Variants in ZNF512 observed in about 807,000 individuals in gnomAD.
ZNF512 encodes the protein zinc finger protein 512.
Under a neutral mutation model 77.5 loss-of-function variants are expected in ZNF512, and 25 were observed. The observed-to-expected ratio is 0.32, with a 90% CI of 0.23 to 0.45. ZNF512 has a LOEUF of 0.45. ZNF512 is among the 20% of genes least tolerant of loss of function. ZNF512 has a pLI of 1.00. For missense variants in ZNF512, 483 were observed against 692.6 expected (o/e 0.70, Z 3.40); for synonymous variants, 246 against 239.9 (o/e 1.03, Z -0.24).
At chr2:27,583,825 C>A in intron 2 of ZNF512, 109 bp downstream of exon 2, 9 of 1,195,032 alleles carry the variant, frequency 7.5e-6, no homozygotes, top group Non-Finnish European at 1.0e-5. Flanking sequence ...AGTATCATAG[C>A]CACTAACCCG....
chr2:27,587,025 G>A (rs1375071268), intron 2 of ZNF512, among the ~76,000 whole-genome samples: 5 of 152,092 alleles, frequency 3.3e-5, no homozygotes, highest in South Asian at 2.1e-4. Flanking sequence ...TGCTGTGAAC[G>A]TTCATGTACA....
chr2:27,594,874 A>G (rs1352007449), intron 2 of ZNF512, among the ~76,000 whole-genome samples: 1 of 152,236 alleles, frequency 6.6e-6, no homozygotes, highest in African/African-American at 2.4e-5. Context: ...TCCGTCTGCA[A>G]TCCCAGCACC....
At chr2:27,594,254 C>T (rs375308715) in intron 2 of ZNF512, among the ~76,000 whole-genome samples, 19 of 141,856 alleles carry the variant, frequency 1.3e-4, no homozygotes, top group East Asian at 6.5e-4. Flanking sequence ...ACATCCCAGA[C>T]GGGGTGGTGG....
chr2:27,601,520 G>C, intron 7 of ZNF512, 78 bp downstream of exon 7: 1 of 1,249,784 alleles, frequency 8.0e-7, no homozygotes, highest in Non-Finnish European at 1.1e-6. Context: ...TGTTGCCCAG[G>C]CTGGAGTGCA....
intron 2 of ZNF512, among the ~76,000 whole-genome samples, chr2:27,595,257 CTT>C (rs1251097219): frequency 6.6e-6 from 1 of 150,600 alleles, no homozygotes; most frequent in Non-Finnish European, 1.5e-5. Context: ...GTTTTTCAAT[CTT>C]TTTTTCTCTT....
chr2:27,584,000 C>A (rs922674711), intron 2 of ZNF512, among the ~76,000 whole-genome samples: 1 of 152,192 alleles, frequency 6.6e-6, no homozygotes, highest in African/African-American at 2.4e-5. Context: ...TCTGCACTGT[C>A]TAGTATCATA....
intron 2 of ZNF512, among the ~76,000 whole-genome samples, chr2:27,586,921 G>A (rs35823586): frequency 0.024 from 3,698 of 152,206 alleles, 63 homozygotes; most frequent in Middle Eastern, 0.061. Context: ...TTATTGCTGG[G>A]TAGAATTCCA....
chr2:27,621,634 C>T lies in ZNF512; in HGVS notation c.*173C>T. ...TCTTCCCTTCTTACATTTTGATTCC[C>T]CCCTCCCCTTTTAGTAGGTTTTCCT... On this transcript the variant is annotated 3_prime_UTR_variant, in exon 14 of 14. Transcript: ENST00000355467. 1.5e-6 allele frequency: 1 copy of T among 675,652 alleles called. No individual in the cohort carries two copies. Among genetic ancestry groups the T allele is most frequent in the Non-Finnish European group, 2.4e-6 (1 of 420,244 alleles). 41.9% of individuals were successfully genotyped at this position (675,652 alleles called of 1,614,324 possible). A position where few individuals can be genotyped will look rare whatever the true frequency, so the allele number is the denominator to read the frequency against.
chr2:27,616,651 G>A (rs535836531), intron 12 of ZNF512, among the ~76,000 whole-genome samples: 16 of 152,202 alleles, frequency 1.1e-4, no homozygotes, highest in Non-Finnish European at 2.4e-4. Flanking sequence ...GGCCTGCCCT[G>A]TTTAGGTGGG....
chr2:27,583,662 C>G lies in ZNF512; in HGVS notation c.35C>G (p.Ser12Trp). Residue 12 changes from serine to tryptophan, a missense_variant, in exon 2 of 14, where the codon TCG becomes TGG. By Grantham distance (177) the Ser-to-Trp change is radical. Around this residue, in one of 2 missense-constraint regions of ZNF512, gnomAD observed 159 missense variants for 167.5 expected, o/e 0.95. Coordinates refer to ENST00000355467, the MANE Select transcript of ZNF512 (RefSeq NM_032434.4). The part of the protein sequence containing the change: ...SSRLGAVPAT[S>W]GPTTFKQQRS... ...CGTGTGCTTGTGATTTGCTAGACTT[C>G]GGGACCCACAACCTTTAAGCAGCAG... The G allele has an allele frequency of 1.2e-6, 2 of 1,614,086 alleles. No homozygotes were observed. Among genetic ancestry groups the G allele is most frequent in the Non-Finnish European group, 1.7e-6 (2 of 1,180,018 alleles).
intron 10 of ZNF512, 49 bp downstream of exon 10, chr2:27,608,088 T>C: frequency 6.7e-7 from 1 of 1,490,778 alleles, no homozygotes; most frequent in South Asian, 1.4e-5. Flanking sequence ...TCTAACGTTG[T>C]GCCTACTGTA....
chr2:27,598,224 A>C lies in ZNF512; in HGVS notation c.247A>C (p.Ile83Leu). Residue 83 changes from isoleucine to leucine, a missense_variant, in exon 3 of 14, where the codon ATC becomes CTC. Physicochemically the swap from Ile to Leu is conservative, Grantham distance 5 (BLOSUM62 2). Around this residue, in one of 2 missense-constraint regions of ZNF512, gnomAD observed 159 missense variants for 167.5 expected, o/e 0.95. Coordinates refer to ENST00000355467, the MANE Select transcript of ZNF512 (RefSeq NM_032434.4). ...TACCTACTGGATGAAGATGAGAAGA[A>C]TCAAGCCAGCTGCTACTTCTCATGT... is the stretch of plus-strand genomic sequence containing the variant. The part of the protein sequence containing the change: ...KSTYWMKMRR[I>L]KPAATSHVEG... 6.2e-7 allele frequency: 1 copy of C among 1,613,694 alleles called. No individual in the cohort carries two copies. Among genetic ancestry groups the C allele is most frequent in the South Asian group, 1.1e-5 (1 of 91,078 alleles).
At chr2:27,609,502 G>T (rs1361834853) in intron 10 of ZNF512, among the ~76,000 whole-genome samples, 1 of 152,138 alleles carries the variant, frequency 6.6e-6, no homozygotes, top group African/African-American at 2.4e-5. Context: ...GGCTGAGGTG[G>T]GTGAAACACG....
At chr2:27,589,257 G>T (rs1004559429) in intron 2 of ZNF512, among the ~76,000 whole-genome samples, 1 of 152,118 alleles carries the variant, frequency 6.6e-6, no homozygotes, top group African/African-American at 2.4e-5. Flanking sequence ...TTCACTGTGG[G>T]AAGGATTTCA....
At chr2:27,586,253 G>A (rs1476511095) in intron 2 of ZNF512, among the ~76,000 whole-genome samples, 1 of 151,990 alleles carries the variant, frequency 6.6e-6, no homozygotes, top group Non-Finnish European at 1.5e-5. Flanking sequence ...TGTTGGAGAT[G>A]GAGTCTTGCT....
intron 2 of ZNF512, among the ~76,000 whole-genome samples, chr2:27,585,912 T>A (rs982233892): frequency 6.6e-6 from 1 of 152,212 alleles, no homozygotes; most frequent in Non-Finnish European, 1.5e-5. Flanking sequence ...AATAATCAAA[T>A]GTCCTGGGGT....
chr2:27,621,171 C>G lies in ZNF512; in HGVS notation c.1414C>G (p.Pro472Ala), dbSNP rs1353355144. ...VHAEDWFVVNPTTTKSFEKLM... is the reference protein window; with the variant it reads ...VHAEDWFVVNATTTKSFEKLM... ...TCTCTAGGACTGGTTCGTTGTAAAC[C>G]CAACAACAACCAAAAGCTTTGAAAA... Residue 472 changes from proline to alanine, a missense_variant, in exon 14 of 14, where the codon CCA (proline) becomes GCA (alanine). Around this residue, in one of 2 missense-constraint regions of ZNF512, gnomAD observed 324 missense variants for 525.0 expected, o/e 0.62. Transcript: ENST00000355467. 4 of 1,613,610 alleles carry G rather than the reference C, an allele frequency of 2.5e-6. No homozygotes were observed. Among genetic ancestry groups the G allele is most frequent in the Admixed American group, 1.7e-5 (1 of 59,878 alleles).
At chr2:27,615,082 A>T (rs979959259) in intron 10 of ZNF512, 86 bp from the exon 11 acceptor site, 69 of 766,696 alleles carry the variant, frequency 9.0e-5, no homozygotes, top group Middle Eastern at 2.4e-4. Context: ...AGAATTATAT[A>T]ACCTAAAGAG....
intron 1 of ZNF512, 180 bp from the exon 2 acceptor site, chr2:27,583,478 A>G (rs1671201995): frequency 6.8e-7 from 1 of 1,468,148 alleles, no homozygotes; most frequent in African/African-American, 1.4e-5. Flanking sequence ...TGGTATTGTT[A>G]CCCGCCTTTG....
Sources: allele counts gnomAD v4.1 joint callset (sites outside exome capture counted in the v4.1 genomes callset), GRCh38; gene constraint gnomAD v4.1.1; regional missense constraint gnomAD v4.1.1; transcripts MANE v1.5; gene names NCBI Gene and HGNC (gene_info 2026-07-23, HGNC 2026-07-21).